Variants in TMEM242 observed in about 807,000 individuals in gnomAD.
TMEM242 encodes UPF0463 transmembrane protein C6orf35.
In TMEM242, 10 loss-of-function variants were observed where a neutral mutation model predicts 18.2. That is an observed-to-expected ratio of 0.55 (90% CI 0.34 to 0.93). TMEM242 has a LOEUF of 0.93. Ranked by LOEUF, TMEM242 falls within the 40% of genes least tolerant of loss-of-function variation. The pLI is 0.02. For missense variants in TMEM242, 186 were observed against 175.5 expected, an observed-to-expected ratio of 1.06 and a Z score of -0.34; for synonymous variants, 57 against 69.9, an observed-to-expected ratio of 0.81 and a Z score of 0.92.
chr6:157,313,377 T>A (rs62425605), intron 3 of TMEM242, among the ~76,000 whole-genome samples: 8 of 24,540 alleles, frequency 3.3e-4, no homozygotes, highest in South Asian at 2.4e-3. Flanking sequence ...TCATAGTGCC[T>A]CAGTGTACGC....
intron 3 of TMEM242, among the ~76,000 whole-genome samples, chr6:157,307,379 G>T (rs587727423): frequency 6.6e-6 from 1 of 152,128 alleles, no homozygotes; most frequent in African/African-American, 2.4e-5. Context: ...CTTGTCGCAC[G>T]TTCCCACTTG....
At chr6:157,312,712 CTGGCCTCATCTTACTGTCCCAGTGTG>C (rs1554249402) in intron 3 of TMEM242, among the ~76,000 whole-genome samples, 5 of 142,008 alleles carry the variant, frequency 3.5e-5, no homozygotes, top group African/African-American at 5.3e-5. Flanking sequence ...GTGCGCTCAC[CTGGCCTCATCTTACTGTCCCAGTGTG>C]CGCTCACCTG....
chr6:157,310,569 C>A (rs62424351), intron 3 of TMEM242, among the ~76,000 whole-genome samples: 38 of 2,302 alleles, frequency 0.017, no homozygotes, highest in Non-Finnish European at 0.033. Flanking sequence ...CATCATAGTG[C>A]CCCAGTGTGC....
intron 3 of TMEM242, among the ~76,000 whole-genome samples, chr6:157,293,984 G>A (rs1265084566): frequency 6.6e-6 from 1 of 152,128 alleles, no homozygotes; most frequent in Non-Finnish European, 1.5e-5. Flanking sequence ...GTCTCCCAAA[G>A]TGCTGAGATC....
At chr6:157,302,841 G>A (rs994264628) in intron 3 of TMEM242, among the ~76,000 whole-genome samples, 3 of 152,240 alleles carry the variant, frequency 2.0e-5, no homozygotes, top group South Asian at 2.1e-4. Context: ...CAGTACTTTC[G>A]GTTGTACCAC....
At chr6:157,315,609 T>G (rs1778374179) in intron 3 of TMEM242, among the ~76,000 whole-genome samples, 2 of 152,198 alleles carry the variant, frequency 1.3e-5, no homozygotes, top group Admixed American at 6.5e-5. Context: ...GAGTAGATAT[T>G]TCCTACTTAT....
intron 3 of TMEM242, among the ~76,000 whole-genome samples, chr6:157,313,955 C>A (rs1554249997): frequency 2.7e-5 from 4 of 149,420 alleles, no homozygotes; most frequent in African/African-American, 9.9e-5. Context: ...CACAGTGTCC[C>A]AGTGTCCGCT....
At position 157,323,487 on chromosome 6, in the gene TMEM242, C is replaced by T. The variant is rs1026904841; in HGVS notation, c.13G>A (p.Gly5Ser). 8.7e-6 allele frequency: 14 copies of T among 1,613,768 alleles called. No individual in the cohort carries two copies. The African/African-American group carries it at 1.6e-4, about 18-fold the overall frequency. The stretch of plus-strand genomic sequence containing the variant: ...GAGGCCGGCTGCCCAGTTGCAGCGC[C>T]CGCTGTCTCCATGTTTAGGTCGCCT... The part of the protein sequence containing the change: META[G>S]AATGQPASGL... The change falls in exon 1 of 4, where the codon GGC (glycine) becomes AGC (serine). Residue 5 changes from glycine to serine, a missense_variant. By Grantham distance (56) the Gly-to-Ser change is moderately conservative (BLOSUM62 0). Transcript: ENST00000400788.
chr6:157,295,102 C>T (rs587621744), intron 3 of TMEM242, among the ~76,000 whole-genome samples: 29 of 152,284 alleles, frequency 1.9e-4, no homozygotes, highest in African/African-American at 6.5e-4. Context: ...TATGGAATGT[C>T]TGTTAAGTAC....
chr6:157,299,566 C>T, intron 3 of TMEM242: 1 of 1,554,120 alleles, frequency 6.4e-7, no homozygotes, highest in Non-Finnish European at 8.9e-7. Context: ...CACTCAACTT[C>T]CAGGCTACAT....
intron 3 of TMEM242, among the ~76,000 whole-genome samples, chr6:157,313,980 A>T (rs1778319764): frequency 6.6e-6 from 1 of 151,580 alleles, no homozygotes; most frequent in Non-Finnish European, 1.5e-5. Context: ...TGGCCTCATC[A>T]TAGTGCCCCA....
At chr6:157,321,864 T>C (rs1464536002) in intron 2 of TMEM242, among the ~76,000 whole-genome samples, 1 of 152,174 alleles carries the variant, frequency 6.6e-6, no homozygotes, top group Non-Finnish European at 1.5e-5. Flanking sequence ...ATTTCTGCTC[T>C]GAAAACATTC....
intron 3 of TMEM242, among the ~76,000 whole-genome samples, chr6:157,313,025 C>A: frequency 6.6e-6 from 1 of 152,180 alleles, no homozygotes; most frequent in African/African-American, 2.4e-5. Context: ...CACCTAGCCT[C>A]ATCATAGTGT....
intron 3 of TMEM242, among the ~76,000 whole-genome samples, chr6:157,302,057 G>A (rs1249332461): frequency 6.6e-6 from 1 of 152,192 alleles, no homozygotes; most frequent in Non-Finnish European, 1.5e-5. Flanking sequence ...TCCTGGCCAT[G>A]TTTTCCCTAT....
chr6:157,299,043 C>T (rs1777789634), intron 3 of TMEM242: 2 of 315,174 alleles, frequency 6.3e-6, no homozygotes, highest in South Asian at 7.4e-5. Context: ...TTTTAGACAA[C>T]TTTAAAGCTT....
intron 3 of TMEM242, among the ~76,000 whole-genome samples, chr6:157,311,338 G>A (rs1554248735): frequency 2.0e-4 from 25 of 122,696 alleles, no homozygotes; most frequent in Non-Finnish European, 3.9e-4. Flanking sequence ...CCTCATCATA[G>A]TGTCCCAGTG....
chr6:157,323,197 T>C (rs587749599), intron 1 of TMEM242, among the ~76,000 whole-genome samples: 2 of 152,226 alleles, frequency 1.3e-5, no homozygotes, highest in Admixed American at 6.5e-5. Context: ...GGAGAATAGC[T>C]CGCGGGATCT....
At chr6:157,312,195 A>C (rs139761680) in intron 3 of TMEM242, among the ~76,000 whole-genome samples, 4,175 of 12,730 alleles carry the variant, frequency 0.33, 340 homozygotes, top group South Asian at 0.45. Context: ...ATAGTGTCCC[A>C]GTGTGCACTG....
intron 1 of TMEM242, 70 bp downstream of exon 1, chr6:157,323,342 C>A: frequency 1.3e-6 from 2 of 1,526,804 alleles, no homozygotes; most frequent in Non-Finnish European, 1.8e-6. Flanking sequence ...TGGGAATGCC[C>A]GCTCCAGAGC....
Sources: gnomAD v4.1 joint callset for allele counts (sites outside exome capture counted in the v4.1 genomes callset) on GRCh38, gnomAD v4.1.1 for gene constraint, MANE v1.5 for transcripts, NCBI Gene and HGNC (gene_info 2026-07-23, HGNC 2026-07-21) for gene names.